The following JMJD1C variants were observed in gnomAD, a reference collection of about 807,000 sequenced individuals.
The protein encoded by JMJD1C is jumonji domain containing 1C.
Under a neutral mutation model 245.3 loss-of-function variants are expected in JMJD1C, and 31 were observed. The ratio of observed to expected loss-of-function variants is 0.13; its 90% confidence interval spans 0.09 to 0.17. The LOEUF is 0.17. JMJD1C is among the 10% of genes least tolerant of loss of function. The pLI is 1.00. For synonymous variants in JMJD1C, 1,057 were observed against 1,017.4 expected (o/e 1.04, Z -0.74); for missense variants, 2,691 against 3,000.2 (o/e 0.90, Z 2.41).
intron 2 of JMJD1C, chr10:63,372,835 C>T (rs1473778033): frequency 6.0e-6 from 1 of 166,446 alleles, no homozygotes; most frequent in Non-Finnish European, 1.5e-5. Context: ...AACAGAGGTA[C>T]AAAACAAAGT....
chr10:63,440,133 G>C (rs1348026092), intron 1 of JMJD1C, among the ~76,000 whole-genome samples: 2 of 152,104 alleles, frequency 1.3e-5, no homozygotes, highest in African/African-American at 4.8e-5. Flanking sequence ...TGAAGAGTTT[G>C]AGATCAGCCT....
chr10:63,215,029 C>A lies in JMJD1C; in HGVS notation c.1138G>T (p.Asp380Tyr). The change falls in exon 8 of 26, where the codon GAC becomes TAC. Residue 380 changes from aspartate (D) to tyrosine (Y), a missense_variant. Physicochemically the swap from Asp to Tyr is radical, Grantham distance 160. This residue lies in a region of JMJD1C where 1,562 missense variants were observed against 1,490.7 expected (regional missense o/e 1.05). Transcript: ENST00000399262. ...DNVSDFSESS[D>Y]SENSNKRIID... ...ATTCTCTTATTTGAATTTTCTGAGT[C>A]ACTGCTCTCAGAAAAGTCTGAAACA... is the stretch of plus-strand genomic sequence containing the variant. 6.2e-7 allele frequency: 1 copy of A among 1,602,714 alleles called. No individual in the cohort carries two copies. Among genetic ancestry groups the A allele is most frequent in the Non-Finnish European group, 8.5e-7 (1 of 1,172,828 alleles).
intron 2 of JMJD1C, among the ~76,000 whole-genome samples, chr10:63,286,577 G>T (rs1041744262): frequency 6.6e-6 from 1 of 152,182 alleles, no homozygotes; most frequent in Non-Finnish European, 1.5e-5. Flanking sequence ...TTTACCAAGA[G>T]CTTACATTGG....
rs182032079 is a variant in JMJD1C at position 63,174,505 on chromosome 10, G to A, written c.7401+1792C>T. Among the ~76,000 whole-genome samples, 5 of 151,918 alleles carry A rather than the reference G, an allele frequency of 3.3e-5. No individual in the cohort carries two copies. In the East Asian group the frequency reaches 9.7e-4, roughly 29 times the overall value. On this transcript the variant is annotated intron_variant, in intron 24 of 25. Coordinates refer to ENST00000399262, the MANE Select transcript of JMJD1C (RefSeq NM_032776.3). ...ATAGGGACAAAAAAGCAGATTAGTTGCAGGAACTTTGGGTGGGAAGAGGCT... is the reference window on the plus strand; with the variant it reads ...ATAGGGACAAAAAAGCAGATTAGTTACAGGAACTTTGGGTGGGAAGAGGCT...
intron 3 of JMJD1C, among the ~76,000 whole-genome samples, chr10:63,246,690 A>G (rs1332558185): frequency 1.3e-5 from 2 of 152,132 alleles, no homozygotes; most frequent in African/African-American, 2.4e-5. Context: ...AGACAATACA[A>G]TGCCATGAAA....
intron 11 of JMJD1C, 101 bp downstream of exon 11, chr10:63,200,375 A>G: frequency 1.2e-6 from 1 of 818,852 alleles, no homozygotes; most frequent in Non-Finnish European, 2.0e-6. Flanking sequence ...AGACTCAAAG[A>G]CTTACTCCCC....
chr10:63,385,226 C>T (rs1011505648), intron 1 of JMJD1C, among the ~76,000 whole-genome samples: 1 of 151,870 alleles, frequency 6.6e-6, no homozygotes, highest in African/African-American at 2.4e-5. Context: ...ACAATGCTAA[C>T]ATCAAAGATC....
chr10:63,450,791 T>C (rs765272433), intron 1 of JMJD1C, among the ~76,000 whole-genome samples: 1 of 152,152 alleles, frequency 6.6e-6, no homozygotes, highest in Non-Finnish European at 1.5e-5. Context: ...GCCACTTCTA[T>C]TCAACGCAGC....
Position 63,207,259 on chromosome 10 carries a change from A to G in JMJD1C, c.4410T>C (p.Ser1470=), listed in dbSNP as rs118024996. The G allele has an allele frequency of 4.5e-4, 725 of 1,613,976 alleles. 10 individuals are homozygous for G. In the East Asian group the frequency reaches 0.015, roughly 34 times the overall value. Reference sequence around the variant, plus strand: ...AATCAGTTGTGCCTGAGAACCCAGAACTGGGTTGAACAACACTTCCTGTCT... The same window carrying G: ...AATCAGTTGTGCCTGAGAACCCAGAGCTGGGTTGAACAACACTTCCTGTCT... ...SSKTGSVVQP[S]SGFSGTTDFI... is the part of the protein sequence containing the mutation. Residue 1470 remains serine, a synonymous_variant, in exon 10 of 26, where the codon AGT becomes AGC. Coordinates refer to ENST00000399262, the MANE Select transcript of JMJD1C (RefSeq NM_032776.3).
intron 2 of JMJD1C, among the ~76,000 whole-genome samples, chr10:63,352,820 G>C (rs530317101): frequency 4.6e-5 from 7 of 152,250 alleles, no homozygotes; most frequent in African/African-American, 1.7e-4. Context: ...TTCATGGGAT[G>C]TGAAACCTGT....
chr10:63,281,131 C>CT (rs754461363), intron 2 of JMJD1C, among the ~76,000 whole-genome samples: 18,105 of 122,952 alleles, frequency 0.15, 1,809 homozygotes, highest in East Asian at 0.28. Context: ...CACACCCGGC[C>CT]TTTTTTTTTT....
At chr10:63,424,400 C>G (rs1176637956) in intron 1 of JMJD1C, among the ~76,000 whole-genome samples, 1 of 150,950 alleles carries the variant, frequency 6.6e-6, no homozygotes, top group Non-Finnish European at 1.5e-5. Context: ...AATGACACTT[C>G]TTCATATAAA....
chr10:63,403,540 T>C (rs1291824496), intron 1 of JMJD1C, among the ~76,000 whole-genome samples: 2 of 152,200 alleles, frequency 1.3e-5, no homozygotes, highest in Non-Finnish European at 2.9e-5. Context: ...AGGGCTGTTT[T>C]AAGGATTAAG....
chr10:63,289,695 T>G (rs1455033973), intron 2 of JMJD1C, among the ~76,000 whole-genome samples: 2 of 152,194 alleles, frequency 1.3e-5, no homozygotes, highest in Non-Finnish European at 2.9e-5. Context: ...AGTATTGTAA[T>G]CCATATTACT....
rs759721009 is a variant in JMJD1C, at chr10:63,189,269, T to C, written c.6469A>G (p.Ile2157Val). ...TTCTCACAGATCCAAGAATGTGGTA[T>C]ATCACTGTATAATTTATTATTTTCA... ...VDENNKLYSD[I>V]PHSWICEKHI... Residue 2157 changes from isoleucine to valine, a missense_variant, in exon 18 of 26, where the codon ATA (isoleucine) becomes GTA (valine). This residue lies in a region of JMJD1C where 275 missense variants were observed against 285.5 expected (regional missense o/e 0.96). Coordinates refer to ENST00000399262, the MANE Select transcript of JMJD1C (RefSeq NM_032776.3). The C allele has an allele frequency of 1.9e-6, 3 of 1,613,208 alleles. No homozygotes were observed. Among genetic ancestry groups the C allele is most frequent in the Non-Finnish European group, 2.5e-6 (3 of 1,179,280 alleles).
chr10:63,272,967 T>TC (rs924333380), intron 2 of JMJD1C, among the ~76,000 whole-genome samples: 2 of 152,190 alleles, frequency 1.3e-5, no homozygotes, highest in African/African-American at 4.8e-5. Context: ...AGTCATACAT[T>TC]CTTAGTAACA....
Position 63,208,280 on chromosome 10 carries a change from G to A in JMJD1C, c.3389C>T (p.Ala1130Val). ...TGAAGTCAGAGTTTGAGGATTAGCT[G>A]CTGCCGCTGCAAGGGCATTACTCTG... The part of the protein sequence containing the change: ...DKQSNALAAA[A>V]ANPQTLTSFI... Residue 1130 changes from alanine to valine, a missense_variant, in exon 10 of 26, where the codon GCA becomes GTA. By Grantham distance (64) the Ala-to-Val change is moderately conservative. Coordinates refer to ENST00000399262, the MANE Select transcript of JMJD1C (RefSeq NM_032776.3). 6.2e-7 allele frequency: 1 copy of A among 1,614,076 alleles called. No homozygotes were observed. The highest frequency in any genetic ancestry group is 8.5e-7 in the Non-Finnish European group (1 of 1,179,984).
intron 1 of JMJD1C, among the ~76,000 whole-genome samples, chr10:63,388,315 A>C (rs1447633239): frequency 6.6e-6 from 1 of 152,028 alleles, no homozygotes. Context: ...AGGGCAGAAG[A>C]CAATGGGATA....
At chr10:63,251,209 T>G (rs1853020868) in intron 3 of JMJD1C, among the ~76,000 whole-genome samples, 1 of 152,224 alleles carries the variant, frequency 6.6e-6, no homozygotes, top group Non-Finnish European at 1.5e-5. Context: ...AAAATGGCTA[T>G]TCCATAAATG....
Sources: gnomAD v4.1 joint callset for allele counts (sites outside exome capture counted in the v4.1 genomes callset) on GRCh38, gnomAD v4.1.1 for gene constraint, gnomAD v4.1.1 regional missense constraint, MANE v1.5 for transcripts, NCBI Gene and HGNC (gene_info 2026-07-23, HGNC 2026-07-21) for gene names.